Variants in SH3KBP1 observed in about 807,000 individuals in gnomAD.
The protein encoded by SH3KBP1 is SH3 domain containing kinase binding protein 1.
SH3KBP1 carries 8 observed loss-of-function variants against 50.1 expected under a neutral mutation model. That is an observed-to-expected ratio of 0.16 (90% confidence interval 0.09 to 0.29). SH3KBP1 has a LOEUF of 0.29. SH3KBP1 is among the 10% of genes least tolerant of loss of function. The probability of loss-of-function intolerance (pLI) is 1.00; values close to 1 mark genes in which losing one functional copy is unlikely to be tolerated. For missense variants in SH3KBP1, 377 were observed against 535.2 expected (o/e 0.70, Z 2.92); for synonymous variants, 227 against 218.6 (o/e 1.04, Z -0.34).
intron 7 of SH3KBP1, 148 bp from the exon 8 acceptor site, chrX:19,632,106 G>A (rs2061592447): frequency 8.7e-6 from 3 of 345,332 alleles, no homozygotes; most frequent in South Asian, 9.0e-5. Context: ...GTGACCCTCA[G>A]AAAATGACCC....
chrX:19,739,028 A>G (rs1265852820), intron 3 of SH3KBP1, among the ~76,000 whole-genome samples: 1 of 106,987 alleles, frequency 9.3e-6, no homozygotes, highest in African/African-American at 3.4e-5. Flanking sequence ...AAAAAAAAAA[A>G]AAAAAAAAAA....
At chrX:19,797,890 AACACAC>A (rs60418789) in intron 2 of SH3KBP1, among the ~76,000 whole-genome samples, 61 of 97,412 alleles carry the variant, frequency 6.3e-4, no homozygotes, top group South Asian at 5.3e-3. Flanking sequence ...AAGTGCCCTA[AACACAC>A]ACACACACAC....
intron 9 of SH3KBP1, among the ~76,000 whole-genome samples, chrX:19,603,718 C>T (rs970266429): frequency 8.9e-6 from 1 of 112,037 alleles, no homozygotes; most frequent in East Asian, 2.8e-4. Context: ...GACAGGGTCT[C>T]GCTCTGTTGC....
intron 4 of SH3KBP1, among the ~76,000 whole-genome samples, chrX:19,701,187 GTCTT>G (rs2063527832): frequency 1.8e-5 from 2 of 111,240 alleles, no homozygotes; most frequent in South Asian, 3.8e-4. Context: ...CAATACTAAG[GTCTT>G]TCTATCATTC....
intron 3 of SH3KBP1, among the ~76,000 whole-genome samples, chrX:19,709,525 C>T (rs890056531): frequency 1.8e-5 from 2 of 112,279 alleles, no homozygotes; most frequent in East Asian, 2.8e-4. Flanking sequence ...TTTCCTTAGC[C>T]TAAGTTCATA....
At chrX:19,828,034 C>T (rs58527578) in intron 2 of SH3KBP1, among the ~76,000 whole-genome samples, 3,797 of 110,137 alleles carry the variant, frequency 0.034, 126 homozygotes, top group African/African-American at 0.11. Context: ...AGGAGGGTCA[C>T]CTGACTCTGA....
chrX:19,798,078 GTTTATT>G (rs1187949930), intron 2 of SH3KBP1, among the ~76,000 whole-genome samples: 1 of 110,644 alleles, frequency 9.0e-6, no homozygotes, highest in Non-Finnish European at 1.9e-5. Context: ...TTCAATCAAG[GTTTATT>G]TTTATTTTTA....
intron 7 of SH3KBP1, among the ~76,000 whole-genome samples, chrX:19,643,124 C>T (rs1396746197): frequency 1.8e-5 from 2 of 108,533 alleles, no homozygotes; most frequent in Non-Finnish European, 3.8e-5. Context: ...GGCCTGTTAC[C>T]TAAACATAGG....
At chrX:19,757,908 G>T (rs1344937057) in intron 2 of SH3KBP1, among the ~76,000 whole-genome samples, 1 of 111,553 alleles carries the variant, frequency 9.0e-6, no homozygotes. Flanking sequence ...ATACACAAAA[G>T]ATTTACAGAA....
chrX:19,579,276 C>T (rs2066292669), intron 12 of SH3KBP1, among the ~76,000 whole-genome samples: 1 of 111,895 alleles, frequency 8.9e-6, no homozygotes, highest in Non-Finnish European at 1.9e-5. Flanking sequence ...CATCCAGGGC[C>T]TGACAAGCCC....
intron 8 of SH3KBP1, among the ~76,000 whole-genome samples, chrX:19,623,837 C>T (rs2067928136): frequency 8.9e-6 from 1 of 112,173 alleles, no homozygotes; most frequent in African/African-American, 3.2e-5. Context: ...CTAAGAAAAG[C>T]TAAAATAAAT....
intron 12 of SH3KBP1, among the ~76,000 whole-genome samples, chrX:19,583,112 A>C (rs899408291): frequency 3.1e-5 from 3 of 97,099 alleles, no homozygotes; most frequent in African/African-American, 1.1e-4. Context: ...ATTTTTATTC[A>C]ATTGCTAATA....
chrX:19,599,237 A>C (rs1008139720), intron 9 of SH3KBP1, among the ~76,000 whole-genome samples: 1 of 111,317 alleles, frequency 9.0e-6, no homozygotes, highest in East Asian at 2.8e-4. Context: ...CAGGGCCCCA[A>C]ATTTAAAAAC....
Position 19,721,800 on chromosome X carries a change from G to A in SH3KBP1, c.287-14816C>T, listed in dbSNP as rs752433973. 1.5e-4 allele frequency among the ~76,000 whole-genome samples: 17 copies of A among 110,690 alleles called. No individual in the cohort carries two copies. The East Asian group carries it at 4.8e-3, about 31-fold the overall frequency. ...GATCCCTTGAGGGCAGAATTTCAAGGCCTGAGCAACGTGGCGAGAACCTGT... is the reference window on the plus strand; with the variant it reads ...GATCCCTTGAGGGCAGAATTTCAAGACCTGAGCAACGTGGCGAGAACCTGT... On this transcript the variant is annotated intron_variant, in intron 3 of 17. Transcript: ENST00000397821.
At chrX:19,642,203 T>C (rs1268363928) in intron 7 of SH3KBP1, among the ~76,000 whole-genome samples, 1 of 111,658 alleles carries the variant, frequency 9.0e-6, no homozygotes, top group African/African-American at 3.3e-5. Context: ...CATTTATACT[T>C]CTCCATTTGC....
intron 8 of SH3KBP1, among the ~76,000 whole-genome samples, chrX:19,617,175 G>C (rs1156562225): frequency 8.9e-6 from 1 of 112,150 alleles, no homozygotes; most frequent in Non-Finnish European, 1.9e-5. Context: ...AGTGCCTCTA[G>C]GCAAAAAGCC....
At chrX:19,572,242 TTA>T (rs1163572369) in intron 12 of SH3KBP1, among the ~76,000 whole-genome samples, 2 of 107,112 alleles carry the variant, frequency 1.9e-5, no homozygotes, top group Non-Finnish European at 3.8e-5. Flanking sequence ...CATATATATG[TTA>T]TATAGAGTAC....
intron 2 of SH3KBP1, among the ~76,000 whole-genome samples, chrX:19,781,406 A>C (rs897940587): frequency 1.8e-5 from 2 of 110,615 alleles, no homozygotes; most frequent in African/African-American, 6.6e-5. Context: ...TCGCTTAAGT[A>C]CAAGAGTTCT....
intron 2 of SH3KBP1, 141 bp downstream of exon 2, chrX:19,835,984 A>C: frequency 1.7e-6 from 1 of 578,491 alleles, no homozygotes; most frequent in Non-Finnish European, 2.8e-6. Flanking sequence ...GGGCAAAACT[A>C]TACATGCTTC....
Sources: allele counts gnomAD v4.1 joint callset (sites outside exome capture counted in the v4.1 genomes callset), GRCh38; gene constraint gnomAD v4.1.1; transcripts MANE v1.5; gene names NCBI Gene and HGNC (gene_info 2026-07-23, HGNC 2026-07-21).